CDK14: variants seen among roughly 807,000 people sequenced by gnomAD.
The protein encoded by CDK14 is cyclin dependent kinase 14, also known as cyclin-dependent kinase 14.
CDK14 carries 34 observed loss-of-function variants against 60.7 expected under a neutral mutation model. The ratio of observed to expected loss-of-function variants is 0.56; its 90% confidence interval spans 0.43 to 0.75. The LOEUF is 0.75. CDK14 is among the 30% of genes least tolerant of loss of function. The pLI, the probability that CDK14 is intolerant of heterozygous loss-of-function variation, is 0.00. For synonymous variants in CDK14, 197 were observed against 203.7 expected, an observed-to-expected ratio of 0.97 and a Z score of 0.28; for missense variants, 482 against 564.1, an observed-to-expected ratio of 0.85 and a Z score of 1.47.
chr7:90,647,841 G>A (rs1035810468), intron 2 of CDK14, among the ~76,000 whole-genome samples: 1 of 152,122 alleles, frequency 6.6e-6, no homozygotes, highest in Non-Finnish European at 1.5e-5. Context: ...GGACAACAGA[G>A]TGAGATCCTG....
chr7:90,848,540 T>G (rs1217324206), intron 5 of CDK14, among the ~76,000 whole-genome samples: 1 of 152,182 alleles, frequency 6.6e-6, no homozygotes, highest in Non-Finnish European at 1.5e-5. Context: ...ATTTCTTTAT[T>G]CCTCATTTTC....
intron 3 of CDK14, among the ~76,000 whole-genome samples, chr7:90,729,986 T>C (rs1243128270): frequency 6.6e-6 from 1 of 152,142 alleles, no homozygotes; most frequent in African/African-American, 2.4e-5. Flanking sequence ...CAACCTGTCA[T>C]TTACATTAGA....
chr7:90,866,227 T>TACACACAC lies in CDK14; in HGVS notation c.639+2963_639+2964insCACACACA, dbSNP rs1179881138. 6.4e-4 allele frequency among the ~76,000 whole-genome samples: 51 copies of TACACACAC among 80,168 alleles called. No homozygotes were observed. The Middle Eastern group carries it at 0.016, about 26-fold the overall frequency. The allele number at this position is 80,168 out of a possible 152,430, so 52.6% of individuals were successfully genotyped here. On this transcript the variant is annotated intron_variant, in intron 6 of 14. Transcript: ENST00000380050. ...TAGGGTCTTCTGAAATACACACACA[T>TACACACAC]ACACATACACACACACACACACACA... is the stretch of plus-strand genomic sequence containing the variant.
chr7:91,177,844 A>G (rs1379043497), intron 14 of CDK14, among the ~76,000 whole-genome samples: 1 of 146,452 alleles, frequency 6.8e-6, no homozygotes, highest in African/African-American at 2.5e-5. Context: ...TTCCATGCTC[A>G]TGGGTAGGAA....
At chr7:91,038,416 C>T (rs1277531934) in intron 10 of CDK14, among the ~76,000 whole-genome samples, 2 of 151,886 alleles carry the variant, frequency 1.3e-5, no homozygotes, top group African/African-American at 2.4e-5. Flanking sequence ...ACTTAGAGTC[C>T]AATGAAAGAA....
intron 5 of CDK14, among the ~76,000 whole-genome samples, chr7:90,847,748 A>G (rs1790513216): frequency 6.6e-6 from 1 of 152,196 alleles, no homozygotes; most frequent in Non-Finnish European, 1.5e-5. Context: ...AGTTTAGGTT[A>G]TTTCTAATAT....
chr7:91,061,162 A>G (rs1489641091), intron 11 of CDK14, among the ~76,000 whole-genome samples: 2 of 152,164 alleles, frequency 1.3e-5, no homozygotes, highest in Non-Finnish European at 1.5e-5. Flanking sequence ...ATCTTCAGTC[A>G]CTGATACCCT....
chr7:90,632,808 G>T, intron 2 of CDK14, among the ~76,000 whole-genome samples: 1 of 152,118 alleles, frequency 6.6e-6, no homozygotes, highest in East Asian at 1.9e-4. Flanking sequence ...TGTCTTACAG[G>T]CTGGGCACGG....
rs142584637 is a variant in CDK14 at position 90,851,657 on chromosome 7, C to T, written c.545-11518C>T. On this transcript the variant is annotated intron_variant, in intron 5 of 14. Transcript: ENST00000380050. ...CTAGAGGAATGTATGATAAGGTTAC[C>T]TCTTTCTCCAATTCCTCTGTTTGAC... 2.9e-3 allele frequency among the ~76,000 whole-genome samples: 446 copies of T among 152,174 alleles called. 2 individuals are homozygous for T. The highest frequency in any genetic ancestry group is 0.01 in the African/African-American group (419 of 41,512).
rs910411953 is a variant in CDK14, at chr7:90,962,136, C to T, written c.947+6319C>T. On this transcript the variant is annotated intron_variant, in intron 9 of 14. Coordinates refer to ENST00000380050, the MANE Select transcript of CDK14 (RefSeq NM_001287135.2). ...CATTTTAGAGTGGCTACTAAAGTGC[C>T]GAATTTAGTGATAGCTTTGGCATGC... 3.0e-4 allele frequency among the ~76,000 whole-genome samples: 45 copies of T among 152,014 alleles called. 1 individual carries two copies. The highest frequency in any genetic ancestry group is 1.7e-4 in the African/African-American group (7 of 41,376).
chr7:91,174,576 G>A (rs1375767409), intron 14 of CDK14, among the ~76,000 whole-genome samples: 1 of 144,952 alleles, frequency 6.9e-6, no homozygotes, highest in African/African-American at 2.5e-5. Flanking sequence ...TTAGAAGAAT[G>A]TATAACTAGA....
chr7:90,924,238 A>G (rs750806959), intron 8 of CDK14, among the ~76,000 whole-genome samples: 1 of 152,248 alleles, frequency 6.6e-6, no homozygotes, highest in Non-Finnish European at 1.5e-5. Context: ...GAGCATGCTC[A>G]TGTAAAGCCA....
At chr7:90,895,609 G>A (rs983131827) in intron 6 of CDK14, among the ~76,000 whole-genome samples, 13 of 133,582 alleles carry the variant, frequency 9.7e-5, no homozygotes, top group Non-Finnish European at 2.1e-4. Flanking sequence ...CTCCCAGGCT[G>A]GAGTGTAGTG....
At chr7:91,081,563 A>G (rs1310555709) in intron 12 of CDK14, among the ~76,000 whole-genome samples, 5 of 152,226 alleles carry the variant, frequency 3.3e-5, no homozygotes, top group Non-Finnish European at 7.3e-5. Flanking sequence ...AAAAATATGT[A>G]TTAACCTAGG....
At chr7:91,101,830 T>G (rs182203760) in intron 12 of CDK14, among the ~76,000 whole-genome samples, 1 of 152,222 alleles carries the variant, frequency 6.6e-6, no homozygotes, top group East Asian at 1.9e-4. Context: ...CCTTGCAAAA[T>G]GAATAAATTT....
chr7:90,613,672 G>GTCT (rs2116347893), intron 2 of CDK14, among the ~76,000 whole-genome samples: 1 of 151,972 alleles, frequency 6.6e-6, no homozygotes, highest in Non-Finnish European at 1.5e-5. Flanking sequence ...GGGTGACAGA[G>GTCT]CGAGACTCTG....
chr7:91,031,467 T>C (rs948777872), intron 10 of CDK14, among the ~76,000 whole-genome samples: 7 of 152,138 alleles, frequency 4.6e-5, no homozygotes, highest in African/African-American at 1.7e-4. Context: ...ATGTAAAATT[T>C]AAAATAATTA....
intron 2 of CDK14, among the ~76,000 whole-genome samples, chr7:90,664,193 C>T (rs1429944180): frequency 1.3e-5 from 2 of 152,242 alleles, no homozygotes; most frequent in Non-Finnish European, 1.5e-5. Context: ...AAAAAATGCT[C>T]ATCATCACTG....
chr7:91,181,013 T>C (rs1392228821), intron 14 of CDK14, among the ~76,000 whole-genome samples: 1 of 152,186 alleles, frequency 6.6e-6, no homozygotes, highest in African/African-American at 2.4e-5. Context: ...CTCTTAAATA[T>C]TTCAGAATGT....
Sources: gnomAD v4.1 joint callset for allele counts (sites outside exome capture counted in the v4.1 genomes callset) on GRCh38, gnomAD v4.1.1 for gene constraint, MANE v1.5 for transcripts, NCBI Gene and HGNC (gene_info 2026-07-23, HGNC 2026-07-21) for gene names.